The following DLG1 variants were observed in gnomAD, a reference collection of about 807,000 sequenced individuals.
DLG1 encodes disks large homolog 1.
A neutral mutation model predicts 123.4 loss-of-function variants in DLG1; 42 were observed. That is an observed-to-expected ratio of 0.34 (90% CI 0.27 to 0.44). The LOEUF is 0.44. DLG1 is among the 20% of genes least tolerant of loss of function. The pLI, the probability that DLG1 is intolerant of heterozygous loss-of-function variation, is 1.00. For synonymous variants in DLG1, 317 were observed against 356.2 expected (o/e 0.89, Z 1.24); for missense variants, 942 against 1,082.6 (o/e 0.87, Z 1.82).
rs1032805591 is a variant in DLG1 at position 197,273,525 on chromosome 3, A to T, written c.318+9154T>A. ...AGTGCTGGGATTACAGGCGTGAGCC[A>T]CCGCACCCGGCTGAATATATACTTT... On this transcript the variant is annotated intron_variant, in intron 4 of 24. Coordinates refer to ENST00000667157, the MANE Select transcript of DLG1 (RefSeq NM_001366207.1). Among the ~76,000 whole-genome samples the T allele has an allele frequency of 2.6e-5, 4 of 152,266 alleles. No individual in the cohort carries two copies. The South Asian group carries it at 8.3e-4, about 32-fold the overall frequency.
intron 10 of DLG1, among the ~76,000 whole-genome samples, chr3:197,133,340 T>C (rs375365711): frequency 2.0e-5 from 3 of 152,174 alleles, no homozygotes; most frequent in African/African-American, 7.2e-5. Context: ...CCAGCTGAGT[T>C]CCCAGCTAAG....
rs561544223 is a variant in DLG1 at position 197,100,566 on chromosome 3, G to A, written c.1546+4337C>T. Among the ~76,000 whole-genome samples the A allele has an allele frequency of 2.0e-4, 30 of 152,186 alleles. No homozygotes were observed. The East Asian group carries it at 5.4e-3, about 27-fold the overall frequency. On this transcript the variant is annotated intron_variant, in intron 14 of 24. Coordinates refer to ENST00000667157, the MANE Select transcript of DLG1 (RefSeq NM_001366207.1). ...ATTAATGCTTTCTGAACAAAAGATTGAGATATAAGCTCTGAAAGTTGGCCT... is the reference window on the plus strand; with the variant it reads ...ATTAATGCTTTCTGAACAAAAGATTAAGATATAAGCTCTGAAAGTTGGCCT...
chr3:197,280,297 A>G (rs1768603390), intron 4 of DLG1, among the ~76,000 whole-genome samples: 1 of 152,014 alleles, frequency 6.6e-6, no homozygotes, highest in Non-Finnish European at 1.5e-5. Flanking sequence ...GCTGCAAATG[A>G]CAGGATTTCA....
At chr3:197,162,225 G>GCCTGTAATGAATT (rs1799076677) in intron 5 of DLG1, among the ~76,000 whole-genome samples, 1 of 151,816 alleles carries the variant, frequency 6.6e-6, no homozygotes, top group Non-Finnish European at 1.5e-5. Flanking sequence ...GCCTCAACAT[G>GCCTGTAATGAATT]CCTGTAATTA....
intron 4 of DLG1, among the ~76,000 whole-genome samples, chr3:197,268,379 C>CT (rs547376031): frequency 7.0e-4 from 106 of 151,140 alleles, no homozygotes; most frequent in Middle Eastern, 6.8e-3. Flanking sequence ...AGATTAACAG[C>CT]TTTTTTTTTG....
At chr3:197,166,345 G>C (rs984974068) in intron 5 of DLG1, among the ~76,000 whole-genome samples, 1 of 152,098 alleles carries the variant, frequency 6.6e-6, no homozygotes, top group Non-Finnish European at 1.5e-5. Flanking sequence ...CGTCAGAAAA[G>C]GCAGTTATAA....
chr3:197,149,946 A>G, intron 5 of DLG1, 150 bp from the exon 6 acceptor site: 1 of 575,042 alleles, frequency 1.7e-6, no homozygotes, highest in Non-Finnish European at 3.1e-6. Context: ...TCCTTTCTCC[A>G]GCACCAAACA....
chr3:197,246,889 TG>T (rs1203619170), intron 4 of DLG1, among the ~76,000 whole-genome samples: 3 of 152,164 alleles, frequency 2.0e-5, no homozygotes, highest in Non-Finnish European at 2.9e-5. Flanking sequence ...AGGAATGTTT[TG>T]GATGGATGTT....
intron 16 of DLG1, among the ~76,000 whole-genome samples, chr3:197,084,008 T>C (rs1258172855): frequency 6.6e-6 from 1 of 151,926 alleles, no homozygotes; most frequent in Non-Finnish European, 1.5e-5. Flanking sequence ...CCTATCTACC[T>C]ATATATAATC....
At chr3:197,086,079 A>G (rs1330237444) in intron 15 of DLG1, among the ~76,000 whole-genome samples, 4 of 152,138 alleles carry the variant, frequency 2.6e-5, no homozygotes, top group Admixed American at 6.6e-5. Flanking sequence ...TAATAAACAA[A>G]AAGTATTAAG....
At chr3:197,204,152 T>C (rs560977279) in intron 4 of DLG1, among the ~76,000 whole-genome samples, 1 of 152,360 alleles carries the variant, frequency 6.6e-6, no homozygotes, top group South Asian at 2.1e-4. Flanking sequence ...AAAAATTATG[T>C]GAATCAGTGT....
intron 2 of DLG1, 103 bp from the exon 3 acceptor site, chr3:197,296,580 T>C (rs1777450958): frequency 2.0e-6 from 2 of 1,021,382 alleles, no homozygotes; most frequent in African/African-American, 3.2e-5. Context: ...GTTCCGCAAA[T>C]CCTTCAGGTC....
At chr3:197,060,521 T>C (rs1274542767) in intron 22 of DLG1, among the ~76,000 whole-genome samples, 1 of 152,188 alleles carries the variant, frequency 6.6e-6, no homozygotes, top group Non-Finnish European at 1.5e-5. Context: ...TCATAAAAGA[T>C]AAAAAACCCT....
intron 4 of DLG1, among the ~76,000 whole-genome samples, chr3:197,245,691 T>C (rs1022581469): frequency 2.0e-5 from 3 of 152,196 alleles, no homozygotes; most frequent in Non-Finnish European, 4.4e-5. Context: ...CTGAGTTTTC[T>C]TTGGCTCCTA....
At position 197,085,565 on chromosome 3, in the gene DLG1, A is replaced by G; in HGVS notation, c.1838+15T>C. 6.2e-7 allele frequency: 1 copy of G among 1,613,338 alleles called. No individual in the cohort carries two copies. The highest frequency in any genetic ancestry group is 8.5e-7 in the Non-Finnish European group (1 of 1,179,522). On this transcript the variant is annotated intron_variant, in intron 16 of 24. Transcript: ENST00000667157. ...TTATGTTGCCTCACATTCAAGTGGT[A>G]AGAAACAGGCATACCTGCGTTTACT... is the stretch of plus-strand genomic sequence containing the variant.
chr3:197,201,479 C>A (rs1725706055), intron 4 of DLG1, among the ~76,000 whole-genome samples: 1 of 152,208 alleles, frequency 6.6e-6, no homozygotes, highest in Non-Finnish European at 1.5e-5. Flanking sequence ...GATACGAAAT[C>A]AATGTACAGA....
intron 4 of DLG1, among the ~76,000 whole-genome samples, chr3:197,217,871 T>C (rs1734898447): frequency 6.6e-6 from 1 of 152,092 alleles, no homozygotes; most frequent in Admixed American, 6.5e-5. Context: ...ATAGTGATGG[T>C]TTCACAGGTG....
intron 5 of DLG1, among the ~76,000 whole-genome samples, chr3:197,152,972 CA>C (rs1337165529): frequency 6.6e-6 from 1 of 152,044 alleles, no homozygotes; most frequent in African/African-American, 2.4e-5. Flanking sequence ...TAAAATAGGT[CA>C]AAATAGTTTA....
At chr3:197,134,472 C>CAAAAA (rs11319273) in intron 10 of DLG1, among the ~76,000 whole-genome samples, 168 of 96,542 alleles carry the variant, frequency 1.7e-3, no homozygotes, top group African/African-American at 6.1e-3. Flanking sequence ...TTCATAATAC[C>CAAAAA]AAAAAAAAAA....
Sources: gnomAD v4.1 joint callset for allele counts (sites outside exome capture counted in the v4.1 genomes callset) on GRCh38, gnomAD v4.1.1 for gene constraint, MANE v1.5 for transcripts, NCBI Gene and HGNC (gene_info 2026-07-23, HGNC 2026-07-21) for gene names.